Variants in TCF4 observed in about 807,000 individuals in gnomAD.
The protein encoded by TCF4 is transcription factor 4.
A neutral mutation model predicts 82.1 loss-of-function variants in TCF4; 3 were observed. The observed-to-expected ratio is 0.04, with a 90% confidence interval of 0.02 to 0.09. The LOEUF (loss-of-function observed/expected upper bound fraction) is 0.09. Among genes scored for constraint, TCF4 ranks in the 10% least tolerant of loss-of-function variants. The pLI is 1.00. For synonymous variants in TCF4, 276 were observed against 309.6 expected, an observed-to-expected ratio of 0.89 and a Z score of 1.14; for missense variants, 518 against 852.7, an observed-to-expected ratio of 0.61 and a Z score of 4.89.
intron 5 of TCF4, among the ~76,000 whole-genome samples, chr18:55,446,528 C>G (rs1030889764): frequency 6.6e-6 from 1 of 152,130 alleles, no homozygotes; most frequent in African/African-American, 2.4e-5. Flanking sequence ...TGCCACTTAC[C>G]AGCTACACAA....
intron 8 of TCF4, among the ~76,000 whole-genome samples, chr18:55,302,103 C>T (rs562442621): frequency 6.6e-6 from 1 of 152,334 alleles, no homozygotes; most frequent in East Asian, 1.9e-4. Context: ...CAGCAGTCCT[C>T]TATTCCTAAA....
intron 3 of TCF4, among the ~76,000 whole-genome samples, chr18:55,475,138 C>A (rs1489162254): frequency 6.6e-6 from 1 of 152,190 alleles, no homozygotes; most frequent in African/African-American, 2.4e-5. Context: ...GGAACTTCCT[C>A]CCTCTCCGGT....
intron 8 of TCF4, among the ~76,000 whole-genome samples, chr18:55,295,463 A>G (rs2066252555): frequency 6.6e-6 from 1 of 152,146 alleles, no homozygotes; most frequent in Non-Finnish European, 1.5e-5. Context: ...GCTGCAGCCA[A>G]ATGTCACTTC....
At chr18:55,305,707 AT>A (rs2070067324) in intron 8 of TCF4, among the ~76,000 whole-genome samples, 2 of 152,228 alleles carry the variant, frequency 1.3e-5, no homozygotes, top group South Asian at 4.1e-4. Flanking sequence ...AATGCTTACG[AT>A]TTCCTCTGCC....
At chr18:55,501,505 T>C (rs1349971024) in intron 3 of TCF4, among the ~76,000 whole-genome samples, 1 of 152,220 alleles carries the variant, frequency 6.6e-6, no homozygotes, top group Non-Finnish European at 1.5e-5. Context: ...CAAAGGTTTA[T>C]TGGTCTTTGT....
At chr18:55,256,396 A>G (rs1388484070) in intron 14 of TCF4, among the ~76,000 whole-genome samples, 1 of 152,190 alleles carries the variant, frequency 6.6e-6, no homozygotes, top group Non-Finnish European at 1.5e-5. Flanking sequence ...TGGGCTGGGT[A>G]GTGCATATAT....
At chr18:55,488,923 A>G (rs1434983039) in intron 3 of TCF4, among the ~76,000 whole-genome samples, 1 of 152,224 alleles carries the variant, frequency 6.6e-6, no homozygotes, top group Non-Finnish European at 1.5e-5. Flanking sequence ...TGCTGATATT[A>G]GAAGCATGAT....
Position 55,403,592 on chromosome 18 carries a change from T to C in TCF4, c.305-74A>G, listed in dbSNP as rs778678461. 2.5e-6 allele frequency: 4 copies of C among 1,613,546 alleles called. 1 individual carries two copies. The South Asian group carries it at 4.4e-5, about 18-fold the overall frequency. ...AAAAATCTCCTCCAGGTAACAGACA[T>C]CTACTGCTCTTCCCCGATGTTTACA... On this transcript the variant is annotated intron_variant, in intron 5 of 19. Coordinates refer to ENST00000354452, the MANE Select transcript of TCF4 (RefSeq NM_001083962.2).
upstream of TCF4, among the ~76,000 whole-genome samples, chr18:55,591,495 G>A (rs983870031): frequency 1.3e-5 from 2 of 152,068 alleles, no homozygotes; most frequent in African/African-American, 2.4e-5. Flanking sequence ...TCCTCATTCC[G>A]CTGAATTTCT....
intron 2 of TCF4, among the ~76,000 whole-genome samples, chr18:55,616,083 T>A (rs1439903548): frequency 2.0e-5 from 3 of 152,108 alleles, no homozygotes; most frequent in African/African-American, 7.2e-5. Context: ...CTAGAACTTG[T>A]TCATCTTGCA....
chr18:55,276,483 A>C (rs2061521061), intron 9 of TCF4, among the ~76,000 whole-genome samples: 1 of 152,122 alleles, frequency 6.6e-6, no homozygotes, highest in Non-Finnish European at 1.5e-5. Context: ...AAATTATATA[A>C]AGTATCTTTC....
chr18:55,268,953 C>G (rs2059773244), intron 11 of TCF4: 1 of 152,106 alleles, frequency 6.6e-6, no homozygotes, highest in African/African-American at 2.4e-5. Context: ...CCCTGGGGCA[C>G]TAAGCTGTGC....
At chr18:55,555,535 A>G (rs2097296257) in intron 3 of TCF4, among the ~76,000 whole-genome samples, 1 of 152,244 alleles carries the variant, frequency 6.6e-6, no homozygotes, top group Non-Finnish European at 1.5e-5. Flanking sequence ...CTGCTGGTAC[A>G]GATTTGCAAA....
At chr18:55,380,515 C>A (rs2091716601) in intron 6 of TCF4, among the ~76,000 whole-genome samples, 1 of 152,114 alleles carries the variant, frequency 6.6e-6, no homozygotes, top group South Asian at 2.1e-4. Flanking sequence ...CAATCATCTC[C>A]CAAAGGCTTC....
chr18:55,412,220 G>A (rs2094375565), intron 5 of TCF4, among the ~76,000 whole-genome samples: 2 of 152,060 alleles, frequency 1.3e-5, no homozygotes, highest in African/African-American at 4.8e-5. Context: ...TTTACGCAGA[G>A]TTTTTTAAAA....
intron 3 of TCF4, among the ~76,000 whole-genome samples, chr18:55,488,592 G>A (rs2096542828): frequency 6.6e-6 from 1 of 152,054 alleles, no homozygotes; most frequent in East Asian, 1.9e-4. Flanking sequence ...GACTACACAG[G>A]GCAGGGAGCC....
intron 8 of TCF4, among the ~76,000 whole-genome samples, chr18:55,281,669 T>C (rs1478840415): frequency 6.6e-6 from 1 of 151,954 alleles, no homozygotes; most frequent in Non-Finnish European, 1.5e-5. Flanking sequence ...TATATCATTA[T>C]GTCAACACCA....
At chr18:55,493,496 GA>G (rs749871250) in intron 3 of TCF4, among the ~76,000 whole-genome samples, 1 of 151,998 alleles carries the variant, frequency 6.6e-6, no homozygotes, top group Non-Finnish European at 1.5e-5. Flanking sequence ...GGCTCAATAG[GA>G]AAAGGGAAGT....
chr18:55,309,866 G>T (rs2071720759), intron 8 of TCF4, among the ~76,000 whole-genome samples: 1 of 152,042 alleles, frequency 6.6e-6, no homozygotes, highest in Non-Finnish European at 1.5e-5. Flanking sequence ...TCAAAAAAAG[G>T]TCAATACTCC....
Sources: allele counts gnomAD v4.1 joint callset (sites outside exome capture counted in the v4.1 genomes callset), GRCh38; gene constraint gnomAD v4.1.1; transcripts MANE v1.5; gene names NCBI Gene and HGNC (gene_info 2026-07-23, HGNC 2026-07-21).